CPEB3: variants seen among roughly 807,000 people sequenced by gnomAD.
CPEB3 encodes cytoplasmic polyadenylation element-binding protein 3.
A neutral mutation model predicts 67.2 loss-of-function variants in CPEB3; 20 were observed. The ratio of observed to expected loss-of-function variants is 0.30; its 90% CI spans 0.21 to 0.43. The LOEUF (loss-of-function observed/expected upper bound fraction) is 0.43. Among genes scored for constraint, CPEB3 ranks in the 20% least tolerant of loss-of-function variants. The probability of loss-of-function intolerance (pLI) is 1.00; values close to 1 mark genes in which losing one functional copy is unlikely to be tolerated. For missense variants in CPEB3, 746 were observed against 968.6 expected, an observed-to-expected ratio of 0.77 and a Z score of 3.05; for synonymous variants, 376 against 393.1, an observed-to-expected ratio of 0.96 and a Z score of 0.51.
At chr10:92,205,818 A>G (rs1849761830) in intron 2 of CPEB3, among the ~76,000 whole-genome samples, 1 of 152,068 alleles carries the variant, frequency 6.6e-6, no homozygotes, top group Admixed American at 6.6e-5. Flanking sequence ...AAGAAGGCCA[A>G]CTACACACAA....
chr10:92,241,973 T>A (rs777932624), intron 1 of CPEB3, among the ~76,000 whole-genome samples: 6 of 152,218 alleles, frequency 3.9e-5, no homozygotes, highest in Non-Finnish European at 8.8e-5. Flanking sequence ...GGCATTCAGA[T>A]ACACACAGAA....
At chr10:92,119,743 T>C (rs1326592243) in intron 6 of CPEB3, among the ~76,000 whole-genome samples, 1 of 152,152 alleles carries the variant, frequency 6.6e-6, no homozygotes, top group Admixed American at 6.5e-5. Flanking sequence ...GGAAGAAATA[T>C]ATATAGCTAT....
intron 1 of CPEB3, among the ~76,000 whole-genome samples, chr10:92,274,552 G>A (rs753245636): frequency 4.6e-5 from 7 of 152,074 alleles, no homozygotes; most frequent in Non-Finnish European, 8.8e-5. Context: ...AACAAATGTC[G>A]TTCTGGGGCC....
intron 2 of CPEB3, among the ~76,000 whole-genome samples, chr10:92,235,044 G>C (rs983301504): frequency 6.6e-6 from 1 of 152,222 alleles, no homozygotes. Flanking sequence ...GCTTGGCACA[G>C]GGCCTGGCCC....
chr10:92,226,936 T>C (rs1287566467), intron 2 of CPEB3, among the ~76,000 whole-genome samples: 2 of 152,124 alleles, frequency 1.3e-5, no homozygotes, highest in South Asian at 2.1e-4. Context: ...CCTTCAGAAC[T>C]GCAGCGCCTC....
At chr10:92,088,805 TAAA>T (rs1188925737) in intron 8 of CPEB3, among the ~76,000 whole-genome samples, 1 of 152,186 alleles carries the variant, frequency 6.6e-6, no homozygotes, top group Non-Finnish European at 1.5e-5. Flanking sequence ...TCAGTCTACA[TAAA>T]ATGCTTAAAA....
At chr10:92,263,296 G>A (rs1053990552) in intron 1 of CPEB3, among the ~76,000 whole-genome samples, 2 of 152,138 alleles carry the variant, frequency 1.3e-5, no homozygotes, top group South Asian at 2.1e-4. Flanking sequence ...GGCCAGTCTC[G>A]AACTCCTGGC....
chr10:92,263,945 ATT>A (rs1421940172), intron 1 of CPEB3, among the ~76,000 whole-genome samples: 1 of 152,176 alleles, frequency 6.6e-6, no homozygotes, highest in African/African-American at 2.4e-5. Flanking sequence ...CTAGATAAGA[ATT>A]TTATATGTCT....
chr10:92,237,888 A>T (rs890474835), intron 2 of CPEB3, among the ~76,000 whole-genome samples: 4 of 152,190 alleles, frequency 2.6e-5, no homozygotes, highest in African/African-American at 9.6e-5. Flanking sequence ...TAATATTGAA[A>T]TCGTCCATTC....
rs903904452 is a variant in CPEB3, at chr10:92,223,567, C to CTTT, written c.1005+15776_1005+15778dup. ...CTTCCAGGTGAGCTCCTAATTATTTCTTTTTTTTTTTTTTTTTTTTTTTTT... is the reference window on the plus strand; with the variant it reads ...CTTCCAGGTGAGCTCCTAATTATTTCTTTTTTTTTTTTTTTTTTTTTTTTTTTT... On this transcript the variant is annotated intron_variant, in intron 2 of 9. Coordinates refer to ENST00000265997, the MANE Select transcript of CPEB3 (RefSeq NM_014912.5). Among the ~76,000 whole-genome samples, 85 of 84,202 alleles carry CTTT rather than the reference C, an allele frequency of 1.0e-3. 2 individuals carry two copies. Among genetic ancestry groups the CTTT allele is most frequent in the Non-Finnish European group, 1.3e-3 (53 of 40,402 alleles). The allele number at this position is 84,202 out of a possible 152,430, so 55.2% of individuals were successfully genotyped here.
chr10:92,102,012 CAAT>C (rs1564780651), intron 7 of CPEB3, among the ~76,000 whole-genome samples: 2 of 152,276 alleles, frequency 1.3e-5, no homozygotes, highest in Admixed American at 1.3e-4. Context: ...AGAGCCACAA[CAAT>C]AATTGTGGTT....
At chr10:92,113,633 T>A (rs2133516874) in intron 6 of CPEB3, among the ~76,000 whole-genome samples, 1 of 152,352 alleles carries the variant, frequency 6.6e-6, no homozygotes, top group East Asian at 1.9e-4. Context: ...CTCTTATTCC[T>A]TGCCTCAAGA....
chr10:92,286,980 C>T (rs948913897), intron 1 of CPEB3, among the ~76,000 whole-genome samples: 4 of 152,186 alleles, frequency 2.6e-5, no homozygotes, highest in Admixed American at 6.5e-5. Flanking sequence ...AACTCTACAT[C>T]ATCAAGCTTT....
intron 4 of CPEB3, among the ~76,000 whole-genome samples, chr10:92,155,682 CCT>C (rs929546377): frequency 3.3e-5 from 5 of 152,068 alleles, no homozygotes; most frequent in Non-Finnish European, 5.9e-5. Context: ...TGTCTCTCTT[CCT>C]CTCTCTCTCA....
chr10:92,267,107 T>A (rs1224528392), intron 1 of CPEB3, among the ~76,000 whole-genome samples: 1 of 151,910 alleles, frequency 6.6e-6, no homozygotes, highest in East Asian at 1.9e-4. Flanking sequence ...GAGCCATCCA[T>A]ATGGCTGGTG....
intron 1 of CPEB3, among the ~76,000 whole-genome samples, chr10:92,275,849 T>TC (rs1208013686): frequency 1.7e-4 from 25 of 146,068 alleles, no homozygotes; most frequent in South Asian, 2.2e-4. Flanking sequence ...TCTTTTCTTT[T>TC]TTTTTTTTTT....
chr10:92,109,763 T>C (rs1462188848), intron 7 of CPEB3, among the ~76,000 whole-genome samples: 2 of 152,194 alleles, frequency 1.3e-5, no homozygotes, highest in East Asian at 1.9e-4. Context: ...TTAGTAGTTC[T>C]TTCTTCTGCT....
At chr10:92,061,686 G>A (rs992450785) in intron 9 of CPEB3, among the ~76,000 whole-genome samples, 1 of 152,040 alleles carries the variant, frequency 6.6e-6, no homozygotes, top group African/African-American at 2.4e-5. Context: ...GAAACGTAGT[G>A]GGAAGCTATG....
intron 8 of CPEB3, 85 bp from the exon 9 acceptor site, chr10:92,081,586 A>G (rs2133216456): frequency 8.5e-7 from 1 of 1,177,374 alleles, no homozygotes; most frequent in South Asian, 1.5e-5. Flanking sequence ...TTTAGAGATC[A>G]TGCAATGTAA....
Sources: allele counts gnomAD v4.1 joint callset (sites outside exome capture counted in the v4.1 genomes callset), GRCh38; gene constraint gnomAD v4.1.1; transcripts MANE v1.5; gene names NCBI Gene and HGNC (gene_info 2026-07-23, HGNC 2026-07-21).